Variants in PPA2 observed in about 807,000 individuals in gnomAD.
PPA2 encodes inorganic pyrophosphatase 2, also known as inorganic pyrophosphatase 2, mitochondrial.
Under a neutral mutation model 49.5 loss-of-function variants are expected in PPA2, and 48 were observed. The ratio of observed to expected loss-of-function variants is 0.97; its 90% CI spans 0.77 to 1.23. PPA2 has a LOEUF of 1.23. Among genes scored for constraint, PPA2 ranks in the 50% most tolerant of loss-of-function variants. The pLI is 0.00. For synonymous variants in PPA2, 131 were observed against 139.9 expected (o/e 0.94, Z 0.45); for missense variants, 429 against 410.1 (o/e 1.05, Z -0.40).
intron 11 of PPA2, among the ~76,000 whole-genome samples, chr4:105,370,071 A>G (rs1270519286): frequency 1.3e-5 from 2 of 152,264 alleles, no homozygotes; most frequent in Admixed American, 6.5e-5. Flanking sequence ...AGGTTTAGAT[A>G]AAGCTTGTAT....
At chr4:105,369,840 T>C (rs1732953261) in intron 11 of PPA2, 87 bp from the exon 12 acceptor site, 12 of 1,267,134 alleles carry the variant, frequency 9.5e-6, no homozygotes, top group Non-Finnish European at 1.2e-5. Flanking sequence ...TTTCGACTTT[T>C]AGGAAGTATT....
chr4:105,419,365 T>G (rs1313371363), intron 7 of PPA2, among the ~76,000 whole-genome samples: 1 of 152,186 alleles, frequency 6.6e-6, no homozygotes, highest in Non-Finnish European at 1.5e-5. Flanking sequence ...TGTCCATGTA[T>G]TCTCACTGTT....
In PPA2 at chr4:105,370,854, TTA is replaced by T; in HGVS notation, c.957_958del (p.Asn319LysfsTer4). On this transcript the variant is annotated frameshift_variant, in exon 11 of 12. Transcript: ENST00000341695. LOFTEE classifies it high-confidence loss of function. ...TACTATACCTTCTTCATTACTTTCT[TTA>T]TTTGGTGAAGATGATACCTGGAAAT... 1 of 1,470,532 alleles carries T rather than the reference TTA, an allele frequency of 6.8e-7. No individual in the cohort carries two copies. Among genetic ancestry groups the T allele is most frequent in the Admixed American group, 2.1e-5 (1 of 46,782 alleles). The allele number at this position is 1,470,532 out of a possible 1,614,324, so 91.1% of individuals were successfully genotyped here.
At chr4:105,386,910 T>C (rs977494556) in intron 9 of PPA2, among the ~76,000 whole-genome samples, 1 of 152,154 alleles carries the variant, frequency 6.6e-6, no homozygotes, top group African/African-American at 2.4e-5. Context: ...TCCAGGTATA[T>C]ATAAAAAGCT....
At chr4:105,382,221 A>G (rs1324038034) in intron 10 of PPA2, among the ~76,000 whole-genome samples, 1 of 151,976 alleles carries the variant, frequency 6.6e-6, no homozygotes, top group African/African-American at 2.4e-5. Flanking sequence ...TAATATTTTC[A>G]TAATTGATTA....
At chr4:105,370,569 G>A (rs1732981495) in intron 11 of PPA2, 1 of 968,604 alleles carries the variant, frequency 1.0e-6, no homozygotes, top group South Asian at 4.8e-5. Context: ...AGAACTGGCT[G>A]GAATATCTCA....
chr4:105,433,765 A>C (rs945557222), intron 6 of PPA2, among the ~76,000 whole-genome samples: 3 of 152,230 alleles, frequency 2.0e-5, no homozygotes, highest in Admixed American at 2.0e-4. Context: ...TTTCTGATAC[A>C]TGTCCTCAAG....
At chr4:105,399,406 G>C (rs757034301) in intron 7 of PPA2, 3 of 314,796 alleles carry the variant, frequency 9.5e-6, no homozygotes, top group Non-Finnish European at 1.7e-5. Context: ...TTCAGACAAT[G>C]TGCTATGTAT....
At chr4:105,441,068 A>C (rs1161879358) in intron 5 of PPA2, among the ~76,000 whole-genome samples, 1 of 152,220 alleles carries the variant, frequency 6.6e-6, no homozygotes, top group Non-Finnish European at 1.5e-5. Context: ...AATCTTGACA[A>C]ATTTAAGCTT....
intron 9 of PPA2, among the ~76,000 whole-genome samples, chr4:105,387,218 C>T (rs1733719025): frequency 6.6e-6 from 1 of 152,090 alleles, no homozygotes; most frequent in Non-Finnish European, 1.5e-5. Flanking sequence ...AAGCATGCTA[C>T]TCATTACATA....
chr4:105,388,825 C>CAAA (rs771537412), intron 9 of PPA2, among the ~76,000 whole-genome samples: 8,412 of 55,072 alleles, frequency 0.15, 357 homozygotes, highest in Non-Finnish European at 0.19. Context: ...GCAACGTCTC[C>CAAA]AAAAAAAAAA....
chr4:105,394,282 G>A lies in PPA2; in HGVS notation c.869+1967C>T, dbSNP rs188771458. Among the ~76,000 whole-genome samples the A allele has an allele frequency of 3.0e-3, 435 of 144,794 alleles. 2 individuals are homozygous for A. Among genetic ancestry groups the A allele is most frequent in the African/African-American group, 0.011 (423 of 39,618 alleles). The allele number at this position is 144,794 out of a possible 152,430, so 95.0% of individuals were successfully genotyped here. On this transcript the variant is annotated intron_variant, in intron 9 of 11. Coordinates refer to ENST00000341695, the MANE Select transcript of PPA2 (RefSeq NM_176869.3). Reference sequence around the variant, plus strand: ...CTTGAGAGGCTGAGGCAGGAGAATTGCAAATTACTTGAACCTGGGAGGCAG... The same window carrying A: ...CTTGAGAGGCTGAGGCAGGAGAATTACAAATTACTTGAACCTGGGAGGCAG...
At chr4:105,424,965 A>T (rs1177705484) in intron 6 of PPA2, among the ~76,000 whole-genome samples, 2 of 152,244 alleles carry the variant, frequency 1.3e-5, no homozygotes, top group Non-Finnish European at 2.9e-5. Flanking sequence ...CACCCAGGAA[A>T]ACCTCATTTA....
At chr4:105,402,914 A>C (rs1188854788) in intron 7 of PPA2, among the ~76,000 whole-genome samples, 1 of 152,204 alleles carries the variant, frequency 6.6e-6, no homozygotes, top group Non-Finnish European at 1.5e-5. Flanking sequence ...AAAAAAATTA[A>C]CAATAATAAA....
chr4:105,387,072 A>C (rs1267222495), intron 9 of PPA2, among the ~76,000 whole-genome samples: 1 of 152,170 alleles, frequency 6.6e-6, no homozygotes, highest in East Asian at 1.9e-4. Context: ...ACAGATAAGG[A>C]GATTAAAGAG....
intron 2 of PPA2, among the ~76,000 whole-genome samples, chr4:105,455,224 A>G (rs73836215): frequency 0.097 from 14,776 of 152,216 alleles, 1,520 homozygotes; most frequent in African/African-American, 0.26. Flanking sequence ...ATGCACTTTT[A>G]GCCAAAAGCA....
chr4:105,457,493 A>G (rs964673414), intron 1 of PPA2, among the ~76,000 whole-genome samples: 1 of 152,244 alleles, frequency 6.6e-6, no homozygotes, highest in Non-Finnish European at 1.5e-5. Context: ...CCTGTTTGGC[A>G]TAATTTTCAA....
At chr4:105,440,067 C>A (rs1479713337) in intron 5 of PPA2, among the ~76,000 whole-genome samples, 1 of 151,960 alleles carries the variant, frequency 6.6e-6, no homozygotes, top group Non-Finnish European at 1.5e-5. Context: ...TGAGAGGTTC[C>A]TCCTTGCTAA....
At chr4:105,415,428 T>A (rs1041638050) in intron 7 of PPA2, among the ~76,000 whole-genome samples, 5 of 152,156 alleles carry the variant, frequency 3.3e-5, no homozygotes, top group African/African-American at 1.2e-4. Context: ...AGTGCCACTA[T>A]GAGTGAGGGC....
Sources: allele counts gnomAD v4.1 joint callset (sites outside exome capture counted in the v4.1 genomes callset), GRCh38; gene constraint gnomAD v4.1.1; transcripts MANE v1.5; gene names NCBI Gene and HGNC (gene_info 2026-07-23, HGNC 2026-07-21).